Variants in FTO observed in about 807,000 individuals in gnomAD.
FTO encodes FTO alpha-ketoglutarate dependent dioxygenase, also known as alpha-ketoglutarate-dependent dioxygenase FTO.
Under a neutral mutation model 63.9 loss-of-function variants are expected in FTO, and 47 were observed. The ratio of observed to expected loss-of-function variants is 0.74; its 90% CI spans 0.58 to 0.94. The LOEUF (loss-of-function observed/expected upper bound fraction) is 0.94, where lower values mean the gene tolerates loss of function less well. Ranked by LOEUF, FTO falls within the 40% of genes least tolerant of loss-of-function variation. The pLI is 0.00. For synonymous variants in FTO, 207 were observed against 224.4 expected, an observed-to-expected ratio of 0.92 and a Z score of 0.69; for missense variants, 562 against 618.1, an observed-to-expected ratio of 0.91 and a Z score of 0.96.
intron 1 of FTO, among the ~76,000 whole-genome samples, chr16:53,807,821 T>C (rs2078411880): frequency 5.9e-5 from 9 of 152,152 alleles, no homozygotes; most frequent in Admixed American, 5.9e-4. Context: ...GGTATAGATT[T>C]TGATTAAATT....
At chr16:53,956,031 A>G (rs998106553) in intron 8 of FTO, among the ~76,000 whole-genome samples, 4 of 152,172 alleles carry the variant, frequency 2.6e-5, no homozygotes, top group Non-Finnish European at 5.9e-5. Context: ...TGCACCTCCT[A>G]TGTGTTGATG....
At chr16:53,994,776 C>T (rs1311272853) in intron 8 of FTO, among the ~76,000 whole-genome samples, 12 of 151,904 alleles carry the variant, frequency 7.9e-5, no homozygotes, top group African/African-American at 1.7e-4. Flanking sequence ...CTCTGTTGTC[C>T]GGACTGCAGT....
intron 8 of FTO, among the ~76,000 whole-genome samples, chr16:54,038,297 C>T (rs1272087377): frequency 6.6e-6 from 1 of 152,174 alleles, no homozygotes; most frequent in Non-Finnish European, 1.5e-5. Flanking sequence ...TCAGAACTGG[C>T]AGTGGAAGCA....
chr16:53,950,748 C>A (rs2082775702), intron 8 of FTO, among the ~76,000 whole-genome samples: 1 of 152,170 alleles, frequency 6.6e-6, no homozygotes, highest in Non-Finnish European at 1.5e-5. Context: ...TAATGTTTTA[C>A]TGTCTTTCCC....
intron 1 of FTO, among the ~76,000 whole-genome samples, chr16:53,755,215 C>T (rs1184188966): frequency 5.3e-5 from 8 of 152,186 alleles, no homozygotes; most frequent in African/African-American, 1.9e-4. Context: ...TGGGCACCAG[C>T]CAAATGTCAT....
intron 5 of FTO, among the ~76,000 whole-genome samples, chr16:53,877,701 C>T (rs962093718): frequency 2.6e-5 from 4 of 151,208 alleles, no homozygotes; most frequent in African/African-American, 4.9e-5. Context: ...AATTTTATGA[C>T]GTGAATTATA....
At chr16:53,717,296 A>G (rs1423388897) in intron 1 of FTO, among the ~76,000 whole-genome samples, 1 of 152,070 alleles carries the variant, frequency 6.6e-6, no homozygotes, top group Admixed American at 6.5e-5. Flanking sequence ...TAACACTGGG[A>G]ATTATCAGAA....
At chr16:54,000,270 A>G (rs74019310) in intron 8 of FTO, among the ~76,000 whole-genome samples, 4,212 of 152,338 alleles carry the variant, frequency 0.028, 206 homozygotes, top group African/African-American at 0.096. Flanking sequence ...CAAACAAGCA[A>G]GTATATTCCA....
intron 1 of FTO, among the ~76,000 whole-genome samples, chr16:53,740,984 G>T (rs1010358235): frequency 6.6e-6 from 1 of 152,170 alleles, no homozygotes; most frequent in Non-Finnish European, 1.5e-5. Context: ...CCTGCCACTT[G>T]TTTTTTAATC....
At chr16:53,835,208 T>C (rs1171493394) in intron 3 of FTO, among the ~76,000 whole-genome samples, 1 of 152,246 alleles carries the variant, frequency 6.6e-6, no homozygotes, top group Admixed American at 6.5e-5. Flanking sequence ...TCTTGTCTGC[T>C]CCAATCTGGT....
chr16:53,946,527 T>C (rs2082653983), intron 8 of FTO, among the ~76,000 whole-genome samples: 1 of 152,238 alleles, frequency 6.6e-6, no homozygotes, highest in Admixed American at 6.5e-5. Context: ...TAAATAAATG[T>C]CCCAATCCTT....
At position 54,116,676 on chromosome 16, in the gene FTO, CT is replaced by C. The variant is rs1413578634; in HGVS notation, c.*4762del. On this transcript the variant is annotated 3_prime_UTR_variant, in exon 9 of 9. Transcript: ENST00000471389. Reference sequence around the variant, plus strand: ...TTCCTGCAAGACAGCAAGGGCACCCCTGGGCCACTGCTGTGTTTGGGAGGCA... The same window carrying C: ...TTCCTGCAAGACAGCAAGGGCACCCCGGGCCACTGCTGTGTTTGGGAGGCA... 1 of 152,036 alleles carries C rather than the reference CT, an allele frequency of 6.6e-6. No homozygotes were observed. The highest frequency in any genetic ancestry group is 1.5e-5 in the Non-Finnish European group (1 of 68,016). 9.4% of individuals were successfully genotyped at this position (152,036 alleles called of 1,614,324 possible).
intron 1 of FTO, among the ~76,000 whole-genome samples, chr16:53,761,724 A>G (rs13334933): frequency 0.3 from 45,677 of 151,966 alleles, 9,632 homozygotes; most frequent in African/African-American, 0.6. Context: ...TTGGGTCTTA[A>G]TCTAAGCACT....
intron 4 of FTO, among the ~76,000 whole-genome samples, chr16:53,848,122 C>T (rs1293192712): frequency 1.3e-5 from 2 of 152,204 alleles, no homozygotes; most frequent in African/African-American, 2.4e-5. Context: ...AATCTTCCTT[C>T]ATCTCTTTTT....
At chr16:53,792,817 C>T (rs1276165143) in intron 1 of FTO, among the ~76,000 whole-genome samples, 1 of 152,128 alleles carries the variant, frequency 6.6e-6, no homozygotes, top group Non-Finnish European at 1.5e-5. Context: ...AGTTTCTCCT[C>T]TTGGAAATGT....
At chr16:53,760,743 C>T (rs2077047340) in intron 1 of FTO, among the ~76,000 whole-genome samples, 1 of 151,078 alleles carries the variant, frequency 6.6e-6, no homozygotes, top group Admixed American at 6.6e-5. Flanking sequence ...TCTCCTGCCT[C>T]AGCCTCCCAA....
At chr16:53,722,076 C>A (rs1322347596) in intron 1 of FTO, among the ~76,000 whole-genome samples, 2 of 152,124 alleles carry the variant, frequency 1.3e-5, no homozygotes, top group Admixed American at 6.5e-5. Flanking sequence ...GAGGTCTTTT[C>A]TTCAGTCCCT....
At chr16:53,763,144 G>A (rs368293045) in intron 1 of FTO, among the ~76,000 whole-genome samples, 4 of 152,086 alleles carry the variant, frequency 2.6e-5, no homozygotes, top group African/African-American at 7.2e-5. Context: ...TGTTTATCCC[G>A]GCTAATATAG....
intron 8 of FTO, among the ~76,000 whole-genome samples, chr16:54,053,408 A>G (rs1021919491): frequency 6.6e-6 from 1 of 152,136 alleles, no homozygotes; most frequent in African/African-American, 2.4e-5. Context: ...GTTTCCAAAG[A>G]TCATCTCCTG....
Sources: gnomAD v4.1 joint callset for allele counts (sites outside exome capture counted in the v4.1 genomes callset) on GRCh38, gnomAD v4.1.1 for gene constraint, MANE v1.5 for transcripts, NCBI Gene and HGNC (gene_info 2026-07-23, HGNC 2026-07-21) for gene names.